Variants in PRMT1 observed in about 807,000 individuals in gnomAD.
The protein encoded by PRMT1 is protein arginine N-methyltransferase 1.
PRMT1 carries 5 observed loss-of-function variants against 47.4 expected under a neutral mutation model. The observed-to-expected ratio is 0.11, with a 90% CI of 0.06 to 0.22. The LOEUF (loss-of-function observed/expected upper bound fraction) is 0.22. Among genes scored for constraint, PRMT1 ranks in the 10% least tolerant of loss-of-function variants. The pLI, the probability that PRMT1 is intolerant of heterozygous loss-of-function variation, is 1.00. For synonymous variants in PRMT1, 227 were observed against 204.6 expected (o/e 1.11, Z -0.94); for missense variants, 249 against 518.4 (o/e 0.48, Z 5.05).
rs990669137 is a variant in PRMT1 at position 49,684,356 on chromosome 19, G to A, written c.555+287G>A. On this transcript the variant is annotated intron_variant, in intron 6 of 10. Transcript: ENST00000454376. The surrounding 1 kb of genome is among the most constrained non-coding windows in gnomAD (Gnocchi z 6.2). ...TGACGGAGAGGTGGATGAAGCATAC[G>A]GAGGGGCAGCCAGGGCAGGTGTGCC... Among the ~76,000 whole-genome samples the A allele has an allele frequency of 2.6e-5, 4 of 152,134 alleles. No individual in the cohort carries two copies. The highest frequency in any genetic ancestry group is 7.2e-5 in the African/African-American group (3 of 41,422).
In PRMT1 at chr19:49,685,817, G is replaced by A; in HGVS notation, c.760-276G>A. ...GGGGAGACAGTGGAGTGGGGCGCCT[G>A]CATTCTAGGAGGTCTGGACAGAGTT... On this transcript the variant is annotated intron_variant, in intron 8 of 10. Coordinates refer to ENST00000454376, the MANE Select transcript of PRMT1 (RefSeq NM_001536.6). This position sits in a 1 kb window ranked among gnomAD's most constrained non-coding sequence, Gnocchi z 4.7. The A allele has an allele frequency of 7.9e-7, 1 of 1,259,478 alleles. No individual in the cohort carries two copies. 78.0% of individuals were successfully genotyped at this position (1,259,478 alleles called of 1,614,324 possible).
Position 49,685,612 on chromosome 19 carries a change from G to A in PRMT1, c.760-481G>A. ...TGTGTGAGCCGGGTGAAGCTGGGTG[G>A]CTGACCGGGGGATCCTGTCGGGGAG... On this transcript the variant is annotated intron_variant, in intron 8 of 10. Coordinates refer to ENST00000454376, the MANE Select transcript of PRMT1 (RefSeq NM_001536.6). This position sits in a 1 kb window ranked among gnomAD's most constrained non-coding sequence, Gnocchi z 4.7. 9.8e-7 allele frequency: 1 copy of A among 1,016,188 alleles called. No individual in the cohort carries two copies. Among genetic ancestry groups the A allele is most frequent in the Non-Finnish European group, 1.2e-6 (1 of 848,884 alleles). The allele number at this position is 1,016,188 out of a possible 1,614,324, so 62.9% of individuals were successfully genotyped here.
At position 49,684,668 on chromosome 19, in the gene PRMT1, C is replaced by A. The variant is rs944175653; in HGVS notation, c.556-86C>A. The A allele has an allele frequency of 5.7e-5, 81 of 1,423,812 alleles. No homozygotes were observed. Among genetic ancestry groups the A allele is most frequent in the Non-Finnish European group, 7.8e-5 (81 of 1,038,092 alleles). 88.2% of individuals were successfully genotyped at this position (1,423,812 alleles called of 1,614,324 possible). ...GCTGCGACATGAGGGTGGCCCAGAC[C>A]AGGGCAGGAGGCCACATCTTGGAGG... On this transcript the variant is annotated intron_variant, in intron 6 of 10. Coordinates refer to ENST00000454376, the MANE Select transcript of PRMT1 (RefSeq NM_001536.6). The surrounding 1 kb of genome is among the most constrained non-coding windows in gnomAD (Gnocchi z 6.2).
intron 1 of PRMT1, among the ~76,000 whole-genome samples, chr19:49,679,008 T>G (rs894211300): frequency 2.6e-5 from 4 of 151,718 alleles, no homozygotes; most frequent in Non-Finnish European, 5.9e-5. Flanking sequence ...TTCAGCCTCC[T>G]GAGTAGCTGG....
At position 49,688,327 on chromosome 19, in the gene PRMT1, T is replaced by C; in HGVS notation, c.*82T>C. On this transcript the variant is annotated 3_prime_UTR_variant, in exon 11 of 11. Transcript: ENST00000454376. The surrounding 1 kb of genome is among the most constrained non-coding windows in gnomAD (Gnocchi z 5.3). ...GGGGCTCCCCCTTCCTCTCCCTCCC[T>C]CCCGCAGAAGGGGGTTTTAGGGGCC... 3.1e-6 allele frequency: 4 copies of C among 1,278,580 alleles called. No individual in the cohort carries two copies. The highest frequency in any genetic ancestry group is 1.2e-5 in the South Asian group (1 of 84,402). The allele number at this position is 1,278,580 out of a possible 1,614,324, so 79.2% of individuals were successfully genotyped here. A position where few individuals can be genotyped will look rare whatever the true frequency, so the allele number is the denominator to read the frequency against.
intron 1 of PRMT1, chr19:49,679,476 C>T (rs2082083200): frequency 4.0e-6 from 2 of 496,910 alleles, no homozygotes; most frequent in Non-Finnish European, 7.9e-6. Context: ...ATTCATGGCA[C>T]CCTAGGATAG....
intron 5 of PRMT1, chr19:49,683,568 G>A (rs1382411704): frequency 1.0e-5 from 2 of 190,736 alleles, no homozygotes; most frequent in Admixed American, 5.5e-5. Flanking sequence ...GGCACCTGTA[G>A]TCCCAGCTAC....
Position 49,680,132 on chromosome 19 carries a change from C to T in PRMT1, c.90+207C>T. 7.8e-7 allele frequency: 1 copy of T among 1,285,914 alleles called. No homozygotes were observed. The highest frequency in any genetic ancestry group is 1.1e-6 in the Non-Finnish European group (1 of 904,904). 79.7% of individuals were successfully genotyped at this position (1,285,914 alleles called of 1,614,324 possible). A position where few individuals can be genotyped will look rare whatever the true frequency, so the allele number is the denominator to read the frequency against. ...TATCGCCGCTACTTCCTTAACTCCA[C>T]CTCCAACCCCCCTTTGCCCTTCCCT... On this transcript the variant is annotated intron_variant, in intron 2 of 10. Transcript: ENST00000454376. The surrounding 1 kb of genome is among the most constrained non-coding windows in gnomAD (Gnocchi z 4.2).
rs2082187799 is a variant in PRMT1 at position 49,685,248 on chromosome 19, C to T, written c.759+211C>T. The stretch of plus-strand genomic sequence containing the variant: ...TGCTGTGTGAGAACCATGCTTGGCA[C>T]TTGGCTTCTGGCGGAGGAAACACCC... On this transcript the variant is annotated intron_variant, in intron 8 of 10. Transcript: ENST00000454376. This position sits in a 1 kb window ranked among gnomAD's most constrained non-coding sequence, Gnocchi z 4.7. The T allele has an allele frequency of 2.0e-6, 3 of 1,484,184 alleles. No homozygotes were observed. Among genetic ancestry groups the T allele is most frequent in the African/African-American group, 1.4e-5 (1 of 71,680 alleles). The allele number at this position is 1,484,184 out of a possible 1,614,324, so 91.9% of individuals were successfully genotyped here. A position where few individuals can be genotyped will look rare whatever the true frequency, so the allele number is the denominator to read the frequency against.
chr19:49,682,615 G>A (rs1382339380), intron 5 of PRMT1, among the ~76,000 whole-genome samples: 7 of 151,980 alleles, frequency 4.6e-5, no homozygotes, highest in African/African-American at 7.3e-5. Context: ...ACATACATAC[G>A]TAAATGCATT....
At chr19:49,679,640 C>A in intron 1 of PRMT1, 1 of 696,242 alleles carries the variant, frequency 1.4e-6, no homozygotes. Context: ...TGGGGGTGGG[C>A]CACCATCTCT....
At position 49,686,191 on chromosome 19, in the gene PRMT1, C is replaced by G. The variant is rs140027772; in HGVS notation, c.858C>G (p.Ala286=). 1.2e-6 allele frequency: 2 copies of G among 1,613,572 alleles called. No individual in the cohort carries two copies. The highest frequency in any genetic ancestry group is 1.7e-6 in the Non-Finnish European group (2 of 1,179,724). The part of the protein sequence containing the change: ...KRNDYVHALV[A]YFNIEFTRCH... ...ATGACTACGTGCACGCCCTGGTGGCCTACTTCAACATCGAGTTCACACGCT... is the reference window on the plus strand; with the variant it reads ...ATGACTACGTGCACGCCCTGGTGGCGTACTTCAACATCGAGTTCACACGCT... Residue 286 remains alanine (A), a synonymous_variant, in exon 9 of 11, where the codon GCC becomes GCG. Transcript: ENST00000454376.
In PRMT1 at chr19:49,685,142, C is replaced by T. The variant is rs1344570553; in HGVS notation, c.759+105C>T. 6.4e-7 allele frequency: 1 copy of T among 1,569,984 alleles called. No homozygotes were observed. The highest frequency in any genetic ancestry group is 2.3e-5 in the East Asian group (1 of 42,562). The stretch of plus-strand genomic sequence containing the variant: ...GGGGCCCAGAATGTTGGCCTGAGGT[C>T]TCAGAGCCTGATCTGCCAGCCAGAG... On this transcript the variant is annotated intron_variant, in intron 8 of 10. Coordinates refer to ENST00000454376, the MANE Select transcript of PRMT1 (RefSeq NM_001536.6). The surrounding 1 kb of genome is among the most constrained non-coding windows in gnomAD (Gnocchi z 4.7).
chr19:49,677,125 G>A (rs1208503649), upstream of PRMT1: 1 of 578,164 alleles, frequency 1.7e-6, no homozygotes, highest in Non-Finnish European at 2.6e-6. Context: ...CCAATTACTA[G>A]ACGGTATTCT....
chr19:49,679,317 C>T (rs906844406), intron 1 of PRMT1, among the ~76,000 whole-genome samples: 10 of 152,108 alleles, frequency 6.6e-5, no homozygotes, highest in Non-Finnish European at 1.5e-4. Flanking sequence ...CTCCTGAGTC[C>T]AAGGCAGGAG....
intron 10 of PRMT1, 68 bp downstream of exon 10, chr19:49,686,794 G>C (rs2082213529): frequency 1.4e-6 from 1 of 703,572 alleles, no homozygotes; most frequent in African/African-American, 2.1e-5. Context: ...GGGGGGGAGT[G>C]GTGGGGGAGG....
At chr19:49,677,626 A>G (rs2082055978) in intron 1 of PRMT1, 2 of 279,542 alleles carry the variant, frequency 7.2e-6, no homozygotes, top group Middle Eastern at 9.2e-4. Context: ...TGCCGAGTCC[A>G]GTGGCCCGGC....
rs980480650 is a variant in PRMT1 at position 49,685,460 on chromosome 19, TG to T, written c.759+424del. The T allele has an allele frequency of 2.4e-5, 27 of 1,133,878 alleles. No homozygotes were observed. The highest frequency in any genetic ancestry group is 2.7e-5 in the Non-Finnish European group (25 of 916,114). 70.2% of individuals were successfully genotyped at this position (1,133,878 alleles called of 1,614,324 possible). A position where few individuals can be genotyped will look rare whatever the true frequency, so the allele number is the denominator to read the frequency against. ...GGGAGTTCAAGGCTGCAGTGAGCTG[TG>T]ATCACATCACTGCACTCCAGCTTTG... On this transcript the variant is annotated intron_variant, in intron 8 of 10. Transcript: ENST00000454376. The surrounding 1 kb of genome is among the most constrained non-coding windows in gnomAD (Gnocchi z 4.7).
intron 1 of PRMT1, 118 bp from the exon 2 acceptor site, chr19:49,679,754 C>T: frequency 5.3e-6 from 4 of 756,876 alleles, no homozygotes; most frequent in South Asian, 4.5e-5. Flanking sequence ...CCACCACTCC[C>T]CACCAAGAAG....
Sources: gnomAD v4.1 joint callset for allele counts (sites outside exome capture counted in the v4.1 genomes callset) on GRCh38, gnomAD v4.1.1 for gene constraint, Gnocchi (gnomAD v3.1) non-coding constraint, MANE v1.5 for transcripts, NCBI Gene and HGNC (gene_info 2026-07-23, HGNC 2026-07-21) for gene names.